The following WWOX variants were observed in gnomAD, a reference collection of about 807,000 sequenced individuals.
The protein encoded by WWOX is WW domain containing oxidoreductase.
WWOX carries 69 observed loss-of-function variants against 46.2 expected under a neutral mutation model. That is an observed-to-expected ratio of 1.49 (90% CI 1.23 to 1.82). The LOEUF (loss-of-function observed/expected upper bound fraction) is 1.82. WWOX is among the 40% of genes most tolerant of loss of function. The probability of loss-of-function intolerance (pLI) is 0.00; values close to 1 mark genes in which losing one functional copy is unlikely to be tolerated. For missense variants in WWOX, 919 were observed against 542.6 expected (o/e 1.69, Z -6.89); for synonymous variants, 359 against 202.6 (o/e 1.77, Z -6.56).
chr16:78,382,456 G>A (rs1004308959), intron 5 of WWOX, among the ~76,000 whole-genome samples: 1 of 152,212 alleles, frequency 6.6e-6, no homozygotes, highest in South Asian at 2.1e-4. Flanking sequence ...TGTGAAGTGT[G>A]AGCAAGTCAT....
At chr16:78,598,732 A>G (rs1405508793) in intron 8 of WWOX, among the ~76,000 whole-genome samples, 1 of 152,198 alleles carries the variant, frequency 6.6e-6, no homozygotes, top group Admixed American at 6.5e-5. Context: ...CAGTGACTAC[A>G]GTGTGCCTGG....
chr16:78,819,252 G>T (rs918566985), intron 8 of WWOX, among the ~76,000 whole-genome samples: 1 of 152,184 alleles, frequency 6.6e-6, no homozygotes, highest in Non-Finnish European at 1.5e-5. Context: ...CAGTGAGGCA[G>T]CAGGTGGGAC....
intron 8 of WWOX, among the ~76,000 whole-genome samples, chr16:78,561,052 G>A (rs1348355329): frequency 6.6e-6 from 1 of 152,160 alleles, no homozygotes; most frequent in Non-Finnish European, 1.5e-5. Context: ...ATGCTCTGTG[G>A]AAGAATCCAC....
rs1567584444 is a variant in WWOX, at chr16:78,123,440, G to GTTTTGTTTTGTTTTTTTTTTTTTTTTT, written c.409+8290_409+8291insGTTTTGTTTTTTTTTTTTTTTTTTTTT. On this transcript the variant is annotated intron_variant, in intron 4 of 8. Coordinates refer to ENST00000566780, the MANE Select transcript of WWOX (RefSeq NM_016373.4). Reference sequence around the variant, plus strand: ...TGTTTTTTTCTTTGTTTTTTGTTTTGTTTTTTTTTTTTTTGTTTTTTTTTT... The same window carrying GTTTTGTTTTGTTTTTTTTTTTTTTTTT: ...TGTTTTTTTCTTTGTTTTTTGTTTTGTTTTGTTTTGTTTTTTTTTTTTTTTTTTTTTTTTTTTTTTTGTTTTTTTTTT... 5.9e-5 allele frequency: 3 copies of GTTTTGTTTTGTTTTTTTTTTTTTTTTT among 50,480 alleles called. No individual in the cohort carries two copies. In the Admixed American group the frequency reaches 7.2e-4, roughly 12 times the overall value. The allele number at this position is 50,480 out of a possible 1,614,324, so 3.1% of individuals were successfully genotyped here.
chr16:79,151,656 A>C (rs368939052), intron 8 of WWOX, among the ~76,000 whole-genome samples: 3 of 148,820 alleles, frequency 2.0e-5, no homozygotes. Context: ...CCTGCAGATC[A>C]GGGGTGCTAG....
intron 8 of WWOX, among the ~76,000 whole-genome samples, chr16:78,529,719 G>A (rs182204817): frequency 2.1e-4 from 32 of 151,916 alleles, no homozygotes; most frequent in Middle Eastern, 6.8e-3. Flanking sequence ...CACCCACCTC[G>A]GCCTCCCAAA....
rs142163854 is a variant in WWOX at position 78,698,074 on chromosome 16, G to A, written c.1056+265322G>A. Among the ~76,000 whole-genome samples the A allele has an allele frequency of 4.7e-4, 72 of 152,258 alleles. 1 individual carries two copies. The East Asian group carries it at 0.014, about 29-fold the overall frequency. ...ATGCTACTTAAAATGATGTAAAGTG[G>A]TATTATTGTTGTCATCATGTATATA... is the stretch of plus-strand genomic sequence containing the variant. On this transcript the variant is annotated intron_variant, in intron 8 of 8. Coordinates refer to ENST00000566780, the MANE Select transcript of WWOX (RefSeq NM_016373.4).
intron 8 of WWOX, among the ~76,000 whole-genome samples, chr16:78,452,648 A>G (rs769218583): frequency 1.6e-4 from 24 of 149,644 alleles, no homozygotes; most frequent in African/African-American, 3.7e-4. Flanking sequence ...GCTAATTATT[A>G]TGTTTTTAAT....
intron 8 of WWOX, among the ~76,000 whole-genome samples, chr16:78,556,923 T>G (rs1408551274): frequency 1.3e-5 from 2 of 152,154 alleles, no homozygotes; most frequent in African/African-American, 2.4e-5. Flanking sequence ...TTTGCCATAT[T>G]GGTCAGGCTG....
intron 8 of WWOX, chr16:78,895,795 T>A (rs1169085807): frequency 1.3e-5 from 2 of 152,250 alleles, no homozygotes; most frequent in Non-Finnish European, 2.9e-5. Context: ...ACAAGTTTTC[T>A]TAAGAACAAT....
intron 4 of WWOX, among the ~76,000 whole-genome samples, chr16:78,148,902 A>AG (rs1415701078): frequency 1.1e-4 from 17 of 149,318 alleles, no homozygotes; most frequent in Non-Finnish European, 1.9e-4. Context: ...CGTCTCAAAA[A>AG]AAAAAAAAAA....
intron 5 of WWOX, among the ~76,000 whole-genome samples, chr16:78,232,497 A>G (rs930558600): frequency 5.3e-5 from 8 of 152,194 alleles, no homozygotes; most frequent in Non-Finnish European, 1.2e-4. Flanking sequence ...AGGTTTGCAG[A>G]GGTAAATCTT....
At chr16:79,063,676 A>G (rs936641146) in intron 8 of WWOX, among the ~76,000 whole-genome samples, 8 of 152,186 alleles carry the variant, frequency 5.3e-5, no homozygotes, top group Non-Finnish European at 7.3e-5. Context: ...TCTCTTTTGG[A>G]TTGACGTGCC....
chr16:78,759,107 C>T (rs1453179965), intron 8 of WWOX, among the ~76,000 whole-genome samples: 1 of 152,002 alleles, frequency 6.6e-6, no homozygotes, highest in African/African-American at 2.4e-5. Context: ...TATATGGGTG[C>T]CAGTTAGGGA....
intron 8 of WWOX, among the ~76,000 whole-genome samples, chr16:79,152,835 G>A (rs1019612268): frequency 6.6e-6 from 1 of 152,160 alleles, no homozygotes; most frequent in Non-Finnish European, 1.5e-5. Flanking sequence ...TGGAGGCCGA[G>A]ACAGCTTGTG....
chr16:78,496,830 T>G (rs919326385), intron 8 of WWOX, among the ~76,000 whole-genome samples: 5 of 152,210 alleles, frequency 3.3e-5, no homozygotes, highest in African/African-American at 1.2e-4. Flanking sequence ...TCACTCCAAC[T>G]TTCCGGAAAC....
chr16:78,272,077 A>G (rs2079487576), intron 5 of WWOX, among the ~76,000 whole-genome samples: 1 of 152,212 alleles, frequency 6.6e-6, no homozygotes, highest in Non-Finnish European at 1.5e-5. Flanking sequence ...GTATAGCCGC[A>G]TAATACATTA....
At chr16:78,370,157 G>T (rs916601557) in intron 5 of WWOX, among the ~76,000 whole-genome samples, 1 of 144,898 alleles carries the variant, frequency 6.9e-6, no homozygotes, top group African/African-American at 2.5e-5. Context: ...AAAAGGGCAT[G>T]GATCTAGATG....
chr16:78,472,555 T>C (rs2084250036), intron 8 of WWOX, among the ~76,000 whole-genome samples: 1 of 152,098 alleles, frequency 6.6e-6, no homozygotes, highest in African/African-American at 2.4e-5. Flanking sequence ...ACGCCTGTAA[T>C]CCCAGCACTT....
Sources: allele counts gnomAD v4.1 joint callset (sites outside exome capture counted in the v4.1 genomes callset), GRCh38; gene constraint gnomAD v4.1.1; transcripts MANE v1.5; gene names NCBI Gene and HGNC (gene_info 2026-07-23, HGNC 2026-07-21).